The following C14orf93 variants were observed in gnomAD, a reference collection of about 807,000 sequenced individuals.
C14orf93 encodes chromosome 14 open reading frame 93.
C14orf93 carries 23 observed loss-of-function variants against 44.0 expected under a neutral mutation model. The ratio of observed to expected loss-of-function variants is 0.52; its 90% CI spans 0.38 to 0.74. The LOEUF is 0.74. C14orf93 is among the 30% of genes least tolerant of loss of function. The pLI is 0.00. For synonymous variants in C14orf93, 253 were observed against 265.7 expected (o/e 0.95, Z 0.46); for missense variants, 579 against 678.9 (o/e 0.85, Z 1.64).
Position 22,998,416 on chromosome 14 carries a change from G to A in C14orf93, c.597+11C>T, listed in dbSNP as rs184689583. The A allele has an allele frequency of 1.1e-4, 170 of 1,529,634 alleles. No homozygotes were observed. The African/African-American group carries it at 2.2e-3, about 19-fold the overall frequency. 94.8% of individuals were successfully genotyped at this position (1,529,634 alleles called of 1,614,324 possible). On this transcript the variant is annotated intron_variant, in intron 2 of 6. Transcript: ENST00000299088. Reference sequence around the variant, plus strand: ...CACCTAGGAGGAATAGCCCTCTGCTGCCATACTCACAGGATTGAGCAGGGG... The same window carrying A: ...CACCTAGGAGGAATAGCCCTCTGCTACCATACTCACAGGATTGAGCAGGGG...
At chr14:23,008,235 A>C (rs2046734547) in intron 1 of C14orf93, among the ~76,000 whole-genome samples, 1 of 152,114 alleles carries the variant, frequency 6.6e-6, no homozygotes, top group Non-Finnish European at 1.5e-5. Flanking sequence ...GATTTCAAAG[A>C]AATGCAGGTC....
intron 1 of C14orf93, among the ~76,000 whole-genome samples, chr14:23,009,389 T>A (rs1054822139): frequency 6.6e-6 from 1 of 152,322 alleles, no homozygotes; most frequent in Admixed American, 6.5e-5. Flanking sequence ...ATTTATCACT[T>A]TTGAAAATAA....
intron 2 of C14orf93, chr14:22,998,130 T>G: frequency 5.8e-6 from 2 of 347,616 alleles, no homozygotes; most frequent in Non-Finnish European, 1.0e-5. Flanking sequence ...AGAGGCAGAG[T>G]CCATGGAGCA....
rs200829885 is a variant in C14orf93, at chr14:22,996,983, GCACACA to G, written c.598-721_598-716del. On this transcript the variant is annotated intron_variant, in intron 2 of 6. Transcript: ENST00000299088. The surrounding 1 kb of genome is among the most constrained non-coding windows in gnomAD (Gnocchi z 4.1). ...TGAAAGTGGGGACACACACGCACACGCACACACACACACACACACACACACACAGAA... is the reference window on the plus strand; with the variant it reads ...TGAAAGTGGGGACACACACGCACACGCACACACACACACACACACACAGAA... 6.2e-4 allele frequency among the ~76,000 whole-genome samples: 39 copies of G among 62,588 alleles called. No homozygotes were observed. The highest frequency in any genetic ancestry group is 1.7e-3 in the Admixed American group (10 of 5,846). The allele number at this position is 62,588 out of a possible 152,430, so 41.1% of individuals were successfully genotyped here.
intron 5 of C14orf93, 24 bp from the exon 6 acceptor site, chr14:22,988,039 G>C: frequency 1.3e-6 from 2 of 1,537,384 alleles, no homozygotes; most frequent in Non-Finnish European, 9.0e-7. Context: ...AAGGAAGGGA[G>C]CAAGAAGGAG....
intron 5 of C14orf93, among the ~76,000 whole-genome samples, chr14:22,989,447 G>A (rs1372166981): frequency 6.6e-6 from 1 of 152,204 alleles, no homozygotes; most frequent in African/African-American, 2.4e-5. Flanking sequence ...TAACACCTTA[G>A]ATTCCTCCTC....
At chr14:23,005,458 G>A (rs978334309) in intron 1 of C14orf93, 7 of 152,020 alleles carry the variant, frequency 4.6e-5, no homozygotes, top group African/African-American at 1.7e-4. Flanking sequence ...GCAAGACCCA[G>A]TCTCTAAAAA....
chr14:22,989,821 T>C lies in C14orf93; in HGVS notation c.1005A>G (p.Ser335=), dbSNP rs1218189845. 5 of 1,614,008 alleles carry C rather than the reference T, an allele frequency of 3.1e-6. No individual in the cohort carries two copies. The highest frequency in any genetic ancestry group is 4.2e-6 in the Non-Finnish European group (5 of 1,179,890). ...GCTTTTCCAGAAGAAACTTCACTAC[T>C]GAAATATTCCAAGAGGACTTGATGC... ...SESIKSSWNI[S]VVKFLLEKLK... is the part of the protein sequence containing the mutation. The change falls in exon 5 of 7, where the codon TCA becomes TCG. Residue 335 remains serine, a synonymous_variant. Coordinates refer to ENST00000299088, the MANE Select transcript of C14orf93 (RefSeq NM_021944.4).
At chr14:22,992,499 C>T (rs2045709975) in intron 3 of C14orf93, among the ~76,000 whole-genome samples, 1 of 151,120 alleles carries the variant, frequency 6.6e-6, no homozygotes, top group Non-Finnish European at 1.5e-5. Context: ...AAAGTTTTGC[C>T]TTAGATGCTT....
chr14:22,997,895 T>A (rs1006554815), intron 2 of C14orf93, among the ~76,000 whole-genome samples: 33 of 152,010 alleles, frequency 2.2e-4, no homozygotes, highest in African/African-American at 7.3e-4. Flanking sequence ...CTTTTTTCAC[T>A]TTTTCTCCTC....
At chr14:23,005,271 A>C (rs2046569615) in intron 1 of C14orf93, 1 of 152,220 alleles carries the variant, frequency 6.6e-6, no homozygotes, top group Admixed American at 6.5e-5. Flanking sequence ...GACAACTGCA[A>C]GGTTATAAGC....
intron 1 of C14orf93, chr14:23,007,221 G>T (rs1415002004): frequency 6.6e-6 from 1 of 152,264 alleles, no homozygotes; most frequent in Admixed American, 6.5e-5. Context: ...GTTAGACGAT[G>T]GCTGGGGAGC....
intron 1 of C14orf93, among the ~76,000 whole-genome samples, chr14:23,009,441 CAAAT>C (rs1012491672): frequency 2.2e-4 from 34 of 152,204 alleles, no homozygotes; most frequent in African/African-American, 7.9e-4. Flanking sequence ...TACATATACA[CAAAT>C]AACCCCAAGT....
Position 22,989,863 on chromosome 14 carries a change from G to A in C14orf93, c.981-18C>T, listed in dbSNP as rs374150803. On this transcript the variant is annotated intron_variant, in intron 4 of 6. Transcript: ENST00000299088. ...ACTTGATGCTGCCACAAAGAGAAGA[G>A]AATGAATAAAGTTGTCGGCTTTGTA... 4.2e-5 allele frequency: 67 copies of A among 1,602,972 alleles called. No homozygotes were observed. Among genetic ancestry groups the A allele is most frequent in the Non-Finnish European group, 5.7e-5 (67 of 1,170,270 alleles).
At chr14:22,992,484 A>G (rs2045708814) in intron 3 of C14orf93, among the ~76,000 whole-genome samples, 1 of 151,244 alleles carries the variant, frequency 6.6e-6, no homozygotes, top group Non-Finnish European at 1.5e-5. Context: ...AAAAAAAAGA[A>G]AGAAAAAGTT....
In C14orf93 at chr14:22,998,695, T is replaced by G. The variant is rs1442970666; in HGVS notation, c.329A>C (p.Glu110Ala). 1.9e-6 allele frequency: 3 copies of G among 1,614,244 alleles called. No individual in the cohort carries two copies. Among genetic ancestry groups the G allele is most frequent in the Non-Finnish European group, 1.7e-6 (2 of 1,180,036 alleles). Reference sequence around the variant, plus strand: ...ACTATGTGCCCGGCTTTCCCCATCTTCATCAGGGATGGACACTTTCCCTTG... The same window carrying G: ...ACTATGTGCCCGGCTTTCCCCATCTGCATCAGGGATGGACACTTTCCCTTG... The part of the protein sequence containing the change: ...LRQGKVSIPD[E>A]DGESRAHSSP... Residue 110 changes from glutamate (E) to alanine (A), a missense_variant, in exon 2 of 7, where the codon GAA becomes GCA. Coordinates refer to ENST00000299088, the MANE Select transcript of C14orf93 (RefSeq NM_021944.4).
At chr14:23,008,489 T>A (rs540500507) in intron 1 of C14orf93, among the ~76,000 whole-genome samples, 121 of 152,310 alleles carry the variant, frequency 7.9e-4, no homozygotes, top group Non-Finnish European at 1.6e-3. Context: ...AGAAGTTTTG[T>A]TGTAATGAAA....
chr14:22,988,067 T>C, intron 5 of C14orf93, 52 bp from the exon 6 acceptor site: 1 of 1,297,860 alleles, frequency 7.7e-7, no homozygotes. Flanking sequence ...TGAGTAGTGG[T>C]CCCCAGCCCG....
Position 22,988,165 on chromosome 14 carries a change from C to G in C14orf93, c.1085-150G>C, listed in dbSNP as rs551224816. ...TTTTTTTTTTTGAGATGTAGTTTCA[C>G]TCTTGTTGCCCAGGCTGGAGTGCAA... On this transcript the variant is annotated intron_variant, in intron 5 of 6. Transcript: ENST00000299088. 45 of 579,502 alleles carry G rather than the reference C, an allele frequency of 7.8e-5. No individual in the cohort carries two copies. The South Asian group carries it at 9.9e-4, about 13-fold the overall frequency. The allele number at this position is 579,502 out of a possible 1,614,324, so 35.9% of individuals were successfully genotyped here. A position where few individuals can be genotyped will look rare whatever the true frequency, so the allele number is the denominator to read the frequency against.
Sources: gnomAD v4.1 joint callset for allele counts (sites outside exome capture counted in the v4.1 genomes callset) on GRCh38, gnomAD v4.1.1 for gene constraint, Gnocchi (gnomAD v3.1) non-coding constraint, MANE v1.5 for transcripts, NCBI Gene and HGNC (gene_info 2026-07-23, HGNC 2026-07-21) for gene names.